Variants in TENM4 observed in about 807,000 individuals in gnomAD.
TENM4 encodes the protein teneurin-4.
Under a neutral mutation model 243.3 loss-of-function variants are expected in TENM4, and 82 were observed. The observed-to-expected ratio is 0.34, with a 90% confidence interval of 0.28 to 0.40. TENM4 has a LOEUF of 0.40. TENM4 is among the 10% of genes least tolerant of loss of function. The pLI, the probability that TENM4 is intolerant of heterozygous loss-of-function variation, is 1.00. For missense variants in TENM4, 3,138 were observed against 3,673.3 expected (o/e 0.85, Z 3.77); for synonymous variants, 1,412 against 1,456.3 (o/e 0.97, Z 0.69).
intron 28 of TENM4, among the ~76,000 whole-genome samples, chr11:78,695,197 T>G (rs1452679700): frequency 1.3e-5 from 2 of 151,908 alleles, no homozygotes; most frequent in Admixed American, 1.3e-4. Flanking sequence ...TGCAGGTGTG[T>G]GCCACTACAT....
At chr11:79,013,538 C>T (rs1858701752) in intron 6 of TENM4, among the ~76,000 whole-genome samples, 1 of 152,292 alleles carries the variant, frequency 6.6e-6, no homozygotes, top group East Asian at 1.9e-4. Flanking sequence ...GCCCAGCAGC[C>T]CAATCATGGG....
chr11:79,166,936 A>G (rs927704442), intron 3 of TENM4, among the ~76,000 whole-genome samples: 3 of 152,244 alleles, frequency 2.0e-5, no homozygotes, highest in African/African-American at 7.2e-5. Context: ...CAGTATGGCT[A>G]GAACATAAAG....
At chr11:79,056,208 G>A (rs930357099) in intron 6 of TENM4, among the ~76,000 whole-genome samples, 1 of 152,154 alleles carries the variant, frequency 6.6e-6, no homozygotes, top group Admixed American at 6.5e-5. Context: ...TGAAAATCGT[G>A]TTGTCTCAAA....
At chr11:79,039,835 C>T (rs1859473395) in intron 6 of TENM4, among the ~76,000 whole-genome samples, 1 of 152,036 alleles carries the variant, frequency 6.6e-6, no homozygotes, top group African/African-American at 2.4e-5. Flanking sequence ...ATAGTACCTC[C>T]TATAAACTGT....
intron 4 of TENM4, among the ~76,000 whole-genome samples, chr11:79,124,885 A>ATGTGTG (rs1362992313): frequency 1.7e-5 from 1 of 60,354 alleles, no homozygotes; most frequent in African/African-American, 5.2e-5. Context: ...GTATATATGT[A>ATGTGTG]TATGTATATG....
chr11:79,015,622 A>G (rs1257228251), intron 6 of TENM4, among the ~76,000 whole-genome samples: 1 of 152,192 alleles, frequency 6.6e-6, no homozygotes, highest in Non-Finnish European at 1.5e-5. Flanking sequence ...AGCCTATTAC[A>G]TGGAAGAACC....
intron 25 of TENM4, among the ~76,000 whole-genome samples, chr11:78,716,072 A>T (rs910334827): frequency 6.6e-6 from 1 of 152,188 alleles, no homozygotes; most frequent in Non-Finnish European, 1.5e-5. Flanking sequence ...TTCCTCCCTT[A>T]TATTTCAGAA....
At chr11:79,091,413 A>C (rs1860946822) in intron 4 of TENM4, among the ~76,000 whole-genome samples, 1 of 152,192 alleles carries the variant, frequency 6.6e-6, no homozygotes, top group Non-Finnish European at 1.5e-5. Context: ...GGAGATATAA[A>C]AAAAAATAAA....
At chr11:79,435,390 A>G (rs1285854773) in intron 1 of TENM4, among the ~76,000 whole-genome samples, 1 of 152,190 alleles carries the variant, frequency 6.6e-6, no homozygotes, top group African/African-American at 2.4e-5. Flanking sequence ...TGGCCCCCAC[A>G]GCCCATCTGC....
At chr11:79,241,019 A>G (rs899913760) in intron 2 of TENM4, among the ~76,000 whole-genome samples, 2 of 152,174 alleles carry the variant, frequency 1.3e-5, no homozygotes, top group East Asian at 3.9e-4. Flanking sequence ...ATTTTGCAGC[A>G]TACAGAGCAA....
chr11:78,950,637 A>G (rs776920696), intron 6 of TENM4, among the ~76,000 whole-genome samples: 2 of 152,180 alleles, frequency 1.3e-5, no homozygotes, highest in African/African-American at 2.4e-5. Context: ...AATGACAACA[A>G]TGATAGAAAT....
intron 3 of TENM4, among the ~76,000 whole-genome samples, chr11:79,201,927 A>C (rs923878588): frequency 6.6e-6 from 1 of 152,154 alleles, no homozygotes; most frequent in Non-Finnish European, 1.5e-5. Context: ...TCCAAGAGTG[A>C]ATGAATGGAG....
intron 4 of TENM4, among the ~76,000 whole-genome samples, chr11:79,124,893 A>ATGTGTGTG (rs71050209): frequency 0.011 from 1,262 of 111,718 alleles, 12 homozygotes; most frequent in South Asian, 0.021. Context: ...GTATATGTAT[A>ATGTGTGTG]TGTGTGTGTG....
intron 1 of TENM4, among the ~76,000 whole-genome samples, chr11:79,415,889 C>T (rs1160125920): frequency 6.6e-6 from 1 of 151,898 alleles, no homozygotes; most frequent in African/African-American, 2.4e-5. Context: ...TTGATAATCC[C>T]TCCCACCCCT....
chr11:79,433,319 T>A lies in TENM4; in HGVS notation c.-321+7190A>T, dbSNP rs147048797. Among the ~76,000 whole-genome samples, 386 of 152,244 alleles carry A rather than the reference T, an allele frequency of 2.5e-3. 1 individual carries two copies. Among genetic ancestry groups the A allele is most frequent in the African/African-American group, 8.8e-3 (364 of 41,538 alleles). On this transcript the variant is annotated intron_variant, in intron 1 of 33. Coordinates refer to ENST00000278550, the MANE Select transcript of TENM4 (RefSeq NM_001098816.3). ...AAGTAGAATCTGCATCTTAACAAGA[T>A]CCCAGAACTAGGGGTGTGCACATTA... is the stretch of plus-strand genomic sequence containing the variant.
chr11:79,299,639 T>G (rs1437088355), intron 1 of TENM4, among the ~76,000 whole-genome samples: 6 of 152,230 alleles, frequency 3.9e-5, no homozygotes, highest in Admixed American at 3.9e-4. Flanking sequence ...GATTCTTTCT[T>G]CAACGATCCA....
At chr11:78,842,700 G>T (rs1190155422) in intron 12 of TENM4, among the ~76,000 whole-genome samples, 2 of 152,254 alleles carry the variant, frequency 1.3e-5, no homozygotes, top group Admixed American at 1.3e-4. Flanking sequence ...ACATGAGAGA[G>T]GACATGGTGA....
intron 15 of TENM4, 40 bp downstream of exon 15, chr11:78,805,252 C>G: frequency 5.4e-6 from 8 of 1,476,336 alleles, no homozygotes; most frequent in Non-Finnish European, 6.4e-6. Flanking sequence ...CAGTGGAAAT[C>G]CCCTCCCTCT....
chr11:78,733,019 C>T (rs1006752926), intron 20 of TENM4, among the ~76,000 whole-genome samples: 4 of 152,180 alleles, frequency 2.6e-5, no homozygotes, highest in Admixed American at 2.6e-4. Context: ...AGTCACTTAG[C>T]CTCTTTGATC....
Sources: gnomAD v4.1 joint callset for allele counts (sites outside exome capture counted in the v4.1 genomes callset) on GRCh38, gnomAD v4.1.1 for gene constraint, MANE v1.5 for transcripts, NCBI Gene and HGNC (gene_info 2026-07-23, HGNC 2026-07-21) for gene names.